The following COL28A1 variants were observed in gnomAD, a reference collection of about 807,000 sequenced individuals.
COL28A1 encodes collagen alpha-1(XXVIII) chain.
In COL28A1, 161 loss-of-function variants were observed where a neutral mutation model predicts 150.2. The ratio of observed to expected loss-of-function variants is 1.07; its 90% CI spans 0.94 to 1.22. The LOEUF is 1.22. COL28A1 is among the 50% of genes most tolerant of loss of function. The pLI is 0.00. For missense variants in COL28A1, 1,617 were observed against 1,388.3 expected (o/e 1.16, Z -2.62); for synonymous variants, 552 against 469.7 (o/e 1.18, Z -2.26).
rs552556640 is a variant in COL28A1, at chr7:7,388,456, C to T, written c.2137-6844G>A. Among the ~76,000 whole-genome samples the T allele has an allele frequency of 2.2e-4, 34 of 152,072 alleles. No homozygotes were observed. In the South Asian group the frequency reaches 2.3e-3, roughly 10 times the overall value. On this transcript the variant is annotated intron_variant, in intron 27 of 34. Coordinates refer to ENST00000399429, the MANE Select transcript of COL28A1 (RefSeq NM_001037763.3). Reference sequence around the variant, plus strand: ...TCCATGCCTTTGCTATTGTGAACAGCGCCGCGATAAACATGTGGGTGCATG... The same window carrying T: ...TCCATGCCTTTGCTATTGTGAACAGTGCCGCGATAAACATGTGGGTGCATG...
chr7:7,391,783 C>G (rs977588408), intron 27 of COL28A1, among the ~76,000 whole-genome samples: 1 of 143,588 alleles, frequency 7.0e-6, no homozygotes, highest in African/African-American at 2.6e-5. Flanking sequence ...TTATCAGAGA[C>G]TAGGATTGCA....
intron 1 of COL28A1, among the ~76,000 whole-genome samples, chr7:7,534,525 T>G (rs1782540636): frequency 6.6e-6 from 1 of 152,172 alleles, no homozygotes; most frequent in African/African-American, 2.4e-5. Flanking sequence ...TCTCTTTGGT[T>G]GAGTTCATAC....
intron 13 of COL28A1, among the ~76,000 whole-genome samples, chr7:7,477,398 T>C (rs1788986875): frequency 6.6e-6 from 1 of 152,258 alleles, no homozygotes; most frequent in Non-Finnish European, 1.5e-5. Context: ...GCATTTACAT[T>C]GTATTAGGTA....
In COL28A1 at chr7:7,443,590, G is replaced by A. The variant is rs750992570; in HGVS notation, c.1645C>T (p.Pro549Ser). Residue 549 changes from proline to serine, a missense_variant, in exon 20 of 35, where the codon CCC (proline) becomes TCC (serine). Pro to Ser is a moderately conservative substitution (Grantham distance 74, BLOSUM62 -1). Transcript: ENST00000399429. ...CAACACTGTCATTTCCATACCTTGG[G>A]GCCAGGCTGTCCTTTTCCAGGTGGT... ...EGPPGKGQPG[P>S]KGDEGKKGSK... The A allele has an allele frequency of 3.1e-6, 5 of 1,613,992 alleles. No individual in the cohort carries two copies. Among genetic ancestry groups the A allele is most frequent in the Non-Finnish European group, 4.2e-6 (5 of 1,179,982 alleles).
chr7:7,375,357 G>A (rs1001980222), intron 31 of COL28A1, 104 bp downstream of exon 31: 18 of 1,065,170 alleles, frequency 1.7e-5, no homozygotes, highest in Middle Eastern at 2.3e-4. Context: ...ACATTTTCCC[G>A]CTAGCTATAT....
intron 14 of COL28A1, among the ~76,000 whole-genome samples, chr7:7,475,478 G>A (rs1438396442): frequency 6.6e-6 from 1 of 152,122 alleles, no homozygotes; most frequent in Non-Finnish European, 1.5e-5. Context: ...AAAGCAGCAC[G>A]GAACACGATG....
chr7:7,492,727 C>A (rs1271605885), intron 11 of COL28A1, among the ~76,000 whole-genome samples: 1 of 151,644 alleles, frequency 6.6e-6, no homozygotes, highest in Non-Finnish European at 1.5e-5. Flanking sequence ...ACAAAGGAAT[C>A]CTGCCTCAAA....
At chr7:7,428,267 A>G (rs1209954033) in intron 25 of COL28A1, among the ~76,000 whole-genome samples, 1 of 152,170 alleles carries the variant, frequency 6.6e-6, no homozygotes, top group Non-Finnish European at 1.5e-5. Flanking sequence ...CTGTGCAAAG[A>G]TTAGGCTAAG....
In COL28A1 at chr7:7,373,048, G is replaced by A; in HGVS notation, c.2858C>T (p.Ala953Val). ...EIFHKEMNLIATDPEHVYQFD... is the reference protein window; with the variant it reads ...EIFHKEMNLIVTDPEHVYQFD... ...CTGGTAAACATGCTCTGGGTCAGTA[G>A]CAATTAGATTCATTTCTTTGTGGAA... Residue 953 changes from alanine (A) to valine (V), a missense_variant, in exon 32 of 35, where the codon GCT (alanine) becomes GTT (valine). Physicochemically the swap from Ala to Val is moderately conservative, Grantham distance 64 (BLOSUM62 0). Coordinates refer to ENST00000399429, the MANE Select transcript of COL28A1 (RefSeq NM_001037763.3). This position sits in a 1 kb window ranked among gnomAD's most constrained non-coding sequence, Gnocchi z 4.1. 6.2e-7 allele frequency: 1 copy of A among 1,614,106 alleles called. No homozygotes were observed. Among genetic ancestry groups the A allele is most frequent in the Non-Finnish European group, 8.5e-7 (1 of 1,180,016 alleles).
chr7:7,354,293 C>CA (rs975795705), downstream of COL28A1, among the ~76,000 whole-genome samples: 4 of 151,578 alleles, frequency 2.6e-5, no homozygotes, highest in Middle Eastern at 3.4e-3. Context: ...CGCACCTGGC[C>CA]AAAAAAAATT....
chr7:7,375,748 G>A (rs1484671092), intron 30 of COL28A1, among the ~76,000 whole-genome samples: 1 of 152,186 alleles, frequency 6.6e-6, no homozygotes. Context: ...TATCAGCTGT[G>A]TGACCTCGGG....
Position 7,477,428 on chromosome 7 carries a change from G to A in COL28A1, c.1165-248C>T, listed in dbSNP as rs563545597. Among the ~76,000 whole-genome samples the A allele has an allele frequency of 5.9e-5, 9 of 152,308 alleles. 2 individuals carry two copies. Among genetic ancestry groups the A allele is most frequent in the African/African-American group, 1.7e-4 (7 of 41,574 alleles). ...TAGGTATTGTAACTAATCTAGAGAT[G>A]ATTCAAAGTATACCAGATGTGCATA... On this transcript the variant is annotated intron_variant, in intron 13 of 34. Transcript: ENST00000399429.
intron 32 of COL28A1, among the ~76,000 whole-genome samples, chr7:7,371,357 T>C (rs6960947): frequency 0.9 from 137,472 of 152,342 alleles, 62,159 homozygotes; most frequent in East Asian, 1. Context: ...TGAGATTGAA[T>C]ATATCAGATA....
rs1780853362 is a variant in COL28A1, at chr7:7,507,114, T to C, written c.972+3A>G. 4 of 1,219,762 alleles carry C rather than the reference T, an allele frequency of 3.3e-6. No individual in the cohort carries two copies. The highest frequency in any genetic ancestry group is 4.9e-6 in the Non-Finnish European group (4 of 821,018). 75.6% of individuals were successfully genotyped at this position (1,219,762 alleles called of 1,614,324 possible). On this transcript the variant is annotated splice_donor_region_variant and intron_variant, in intron 10 of 34. Coordinates refer to ENST00000399429, the MANE Select transcript of COL28A1 (RefSeq NM_001037763.3). ...AACTTAGATTTGGTTTTAACCCCCT[T>C]ACCTGAATTCCTCTGGGTCCCTTTG... is the stretch of plus-strand genomic sequence containing the variant.
intron 11 of COL28A1, among the ~76,000 whole-genome samples, chr7:7,503,295 T>C (rs1780635660): frequency 6.6e-6 from 1 of 152,194 alleles, no homozygotes; most frequent in South Asian, 2.1e-4. Flanking sequence ...ATCTGTACAA[T>C]GGAAATAAGA....
At chr7:7,443,110 T>C (rs181139469) in intron 20 of COL28A1, among the ~76,000 whole-genome samples, 2 of 152,314 alleles carry the variant, frequency 1.3e-5, no homozygotes, top group Middle Eastern at 3.4e-3. Context: ...TCTTATCCTA[T>C]TGATGAATTT....
intron 27 of COL28A1, among the ~76,000 whole-genome samples, chr7:7,397,740 G>A (rs1782921713): frequency 6.6e-6 from 1 of 152,162 alleles, no homozygotes; most frequent in Non-Finnish European, 1.5e-5. Flanking sequence ...AATAAGGAAT[G>A]TTTAAGACAT....
Position 7,358,572 on chromosome 7 carries a change from G to T in COL28A1, c.*61C>A. 6.8e-7 allele frequency: 1 copy of T among 1,467,926 alleles called. No individual in the cohort carries two copies. The highest frequency in any genetic ancestry group is 9.5e-7 in the Non-Finnish European group (1 of 1,056,852). 90.9% of individuals were successfully genotyped at this position (1,467,926 alleles called of 1,614,324 possible). Reference sequence around the variant, plus strand: ...CAAATATAGTGCTGTATTTGTATTGGGTGAATATGTGGAAATTAGGGAGTT... The same window carrying T: ...CAAATATAGTGCTGTATTTGTATTGTGTGAATATGTGGAAATTAGGGAGTT... On this transcript the variant is annotated 3_prime_UTR_variant, in exon 35 of 35. Coordinates refer to ENST00000399429, the MANE Select transcript of COL28A1 (RefSeq NM_001037763.3).
intron 27 of COL28A1, among the ~76,000 whole-genome samples, chr7:7,414,906 CAA>C (rs1783982640): frequency 1.3e-5 from 2 of 152,302 alleles, no homozygotes; most frequent in African/African-American, 4.8e-5. Flanking sequence ...CTCCAGAACT[CAA>C]AGTTTAATTA....
Sources: allele counts gnomAD v4.1 joint callset (sites outside exome capture counted in the v4.1 genomes callset), GRCh38; gene constraint gnomAD v4.1.1; non-coding constraint Gnocchi (gnomAD v3.1); transcripts MANE v1.5; gene names NCBI Gene and HGNC (gene_info 2026-07-23, HGNC 2026-07-21).